ARID1A: variants seen among roughly 807,000 people sequenced by gnomAD.
The protein encoded by ARID1A is AT-rich interactive domain-containing protein 1A.
ARID1A carries 20 observed loss-of-function variants against 212.6 expected under a neutral mutation model. The ratio of observed to expected loss-of-function variants is 0.09; its 90% CI spans 0.07 to 0.14. The LOEUF (loss-of-function observed/expected upper bound fraction) is 0.14. ARID1A is among the 10% of genes least tolerant of loss of function. ARID1A has a pLI of 1.00. For missense variants in ARID1A, 2,587 were observed against 3,059.0 expected, an observed-to-expected ratio of 0.85 and a Z score of 3.64; for synonymous variants, 1,376 against 1,222.1, an observed-to-expected ratio of 1.13 and a Z score of -2.63.
chr1:26,769,877 A>C, intron 11 of ARID1A: 1 of 152,388 alleles, frequency 6.6e-6, no homozygotes, highest in East Asian at 1.9e-4. Flanking sequence ...TGAGGGAAGG[A>C]GGCAGAACTG....
chr1:26,741,599 A>G (rs998412998), intron 4 of ARID1A, among the ~76,000 whole-genome samples: 1 of 152,200 alleles, frequency 6.6e-6, no homozygotes, highest in African/African-American at 2.4e-5. Context: ...CATCCACTGG[A>G]TTAATTTCTA....
rs1445835660 is a variant in ARID1A, at chr1:26,762,964, C to T, written c.2420-9C>T. 3.2e-6 allele frequency: 5 copies of T among 1,571,742 alleles called. No homozygotes were observed. The highest frequency in any genetic ancestry group is 3.5e-6 in the Non-Finnish European group (4 of 1,150,796). ...TGACTAACCAAGTCTTGTCTTCCTC[C>T]CCTCCCAGGTGGCTACCCCAGGCAG... On this transcript the variant is annotated splice_polypyrimidine_tract_variant and intron_variant, in intron 7 of 19. Coordinates refer to ENST00000324856, the MANE Select transcript of ARID1A (RefSeq NM_006015.6).
intron 1 of ARID1A, among the ~76,000 whole-genome samples, chr1:26,726,993 G>C (rs977453555): frequency 6.6e-6 from 1 of 152,252 alleles, no homozygotes. Flanking sequence ...ATTGCATAGA[G>C]CTGGGCATGT....
rs2124147303 is a variant in ARID1A, at chr1:26,780,162, C to T, written c.6264C>T (p.Leu2088=). 1 of 1,614,172 alleles carries T rather than the reference C, an allele frequency of 6.2e-7. No homozygotes were observed. The highest frequency in any genetic ancestry group is 2.2e-5 in the East Asian group (1 of 44,880). The change falls in exon 20 of 20, where the codon CTC becomes CTT. Residue 2088 remains leucine (L), a synonymous_variant. Coordinates refer to ENST00000324856, the MANE Select transcript of ARID1A (RefSeq NM_006015.6). This position sits in a 1 kb window ranked among gnomAD's most constrained non-coding sequence, Gnocchi z 7.2. The stretch of plus-strand genomic sequence containing the variant: ...TTTGCCTGCCTGTCCTGGACGGACT[C>T]CTACACTGGGCAGTTTGCCCTTCAG... ...ESICLPVLDG[L]LHWAVCPSAE...
chr1:26,781,017 C>T lies in ARID1A; in HGVS notation c.*261C>T. On this transcript the variant is annotated 3_prime_UTR_variant, in exon 20 of 20. Coordinates refer to ENST00000324856, the MANE Select transcript of ARID1A (RefSeq NM_006015.6). ...CCCCACCCTCTTTGAAAAGACAAAGCTCTGCCTACATAGAAGACTTTTTTT... is the reference window on the plus strand; with the variant it reads ...CCCCACCCTCTTTGAAAAGACAAAGTTCTGCCTACATAGAAGACTTTTTTT... 2.5e-6 allele frequency: 1 copy of T among 404,892 alleles called. No individual in the cohort carries two copies. The highest frequency in any genetic ancestry group is 3.6e-5 in the East Asian group (1 of 28,016). 25.1% of individuals were successfully genotyped at this position (404,892 alleles called of 1,614,324 possible).
chr1:26,781,170 A>C lies in ARID1A; in HGVS notation c.*414A>C, dbSNP rs1481204994. On this transcript the variant is annotated 3_prime_UTR_variant, in exon 20 of 20. Transcript: ENST00000324856. Reference sequence around the variant, plus strand: ...ACTGTTTTTAATGGTAAAAAAAAAAAAAAAAAATACAAAAAAAAATTCTGA... The same window carrying C: ...ACTGTTTTTAATGGTAAAAAAAAAACAAAAAAATACAAAAAAAAATTCTGA... 4.1e-6 allele frequency: 1 copy of C among 241,622 alleles called. No individual in the cohort carries two copies. The highest frequency in any genetic ancestry group is 2.2e-5 in the African/African-American group (1 of 45,550). 15.0% of individuals were successfully genotyped at this position (241,622 alleles called of 1,614,324 possible).
At chr1:26,740,299 CTGTG>C (rs1293732464) in intron 4 of ARID1A, among the ~76,000 whole-genome samples, 2 of 152,122 alleles carry the variant, frequency 1.3e-5, no homozygotes, top group African/African-American at 2.4e-5. Context: ...AAGGATCCTC[CTGTG>C]TTTCATTAGT....
chr1:26,705,418 G>T (rs1049203649), intron 1 of ARID1A, among the ~76,000 whole-genome samples: 5 of 151,318 alleles, frequency 3.3e-5, no homozygotes, highest in Non-Finnish European at 5.9e-5. Flanking sequence ...GGAATTACAG[G>T]TGTGAGCCAC....
At chr1:26,740,762 G>A (rs1424278090) in intron 4 of ARID1A, among the ~76,000 whole-genome samples, 2 of 152,154 alleles carry the variant, frequency 1.3e-5, no homozygotes, top group Admixed American at 1.3e-4. Flanking sequence ...AAGTTAAACC[G>A]TAGAACTACT....
At position 26,771,518 on chromosome 1, in the gene ARID1A, C is replaced by T. The variant is rs2294877; in HGVS notation, c.3406+192C>T. ...GGAAACTCCCTTGGGAGGTACTCTA[C>T]GGCAGCTCTTAAGTTTTAATTTTTG... On this transcript the variant is annotated intron_variant, in intron 12 of 19. Coordinates refer to ENST00000324856, the MANE Select transcript of ARID1A (RefSeq NM_006015.6). This position sits in a 1 kb window ranked among gnomAD's most constrained non-coding sequence, Gnocchi z 5.4. The T allele has an allele frequency of 7.4e-5, 45 of 611,330 alleles. No homozygotes were observed. Among genetic ancestry groups the T allele is most frequent in the East Asian group, 7.0e-4 (25 of 35,732 alleles). The allele number at this position is 611,330 out of a possible 1,614,324, so 37.9% of individuals were successfully genotyped here. A position where few individuals can be genotyped will look rare whatever the true frequency, so the allele number is the denominator to read the frequency against.
chr1:26,745,591 C>G (rs771834645), intron 4 of ARID1A, among the ~76,000 whole-genome samples: 2 of 152,132 alleles, frequency 1.3e-5, no homozygotes, highest in Non-Finnish European at 1.5e-5. Flanking sequence ...TCTCCCCTCC[C>G]ACCCCCAACT....
In ARID1A at chr1:26,696,702, T is replaced by C. The variant is rs1570538685; in HGVS notation, c.299T>C (p.Leu100Pro). Reference sequence around the variant, plus strand: ...GGCGGGCCCGGCGCGGAGCCGGACCTGAAGAACTCGAACGGGAACGCGGGC... The same window carrying C: ...GGCGGGCCCGGCGCGGAGCCGGACCCGAAGAACTCGAACGGGAACGCGGGC... ...SGGGPGAEPD[L>P]KNSNGNAGPR... is the part of the protein sequence containing the mutation. The change falls in exon 1 of 20, where the codon CTG becomes CCG. Residue 100 changes from leucine (L) to proline (P), a missense_variant. Around this residue, in one of 11 missense-constraint regions of ARID1A, gnomAD observed 735 missense variants for 590.6 expected, o/e 1.24. Transcript: ENST00000324856. 2.2e-6 allele frequency: 3 copies of C among 1,359,078 alleles called. No homozygotes were observed. The highest frequency in any genetic ancestry group is 7.3e-5 in the Admixed American group (2 of 27,438). 84.2% of individuals were successfully genotyped at this position (1,359,078 alleles called of 1,614,324 possible). A position where few individuals can be genotyped will look rare whatever the true frequency, so the allele number is the denominator to read the frequency against.
At chr1:26,760,733 G>C (rs2080983451) in intron 4 of ARID1A, 123 bp from the exon 5 acceptor site, 1 of 1,033,174 alleles carries the variant, frequency 9.7e-7, no homozygotes, top group South Asian at 2.0e-5. Flanking sequence ...CATGACTAAA[G>C]AACGTGTGTG....
At chr1:26,715,981 C>T (rs756944427) in intron 1 of ARID1A, among the ~76,000 whole-genome samples, 12 of 151,736 alleles carry the variant, frequency 7.9e-5, no homozygotes, top group Admixed American at 3.9e-4. Context: ...CTGAGGTGGG[C>T]GGATCATGAG....
intron 4 of ARID1A, among the ~76,000 whole-genome samples, chr1:26,746,045 C>T (rs1366640130): frequency 6.6e-6 from 1 of 152,058 alleles, no homozygotes; most frequent in Non-Finnish European, 1.5e-5. Context: ...GAGCAAAACT[C>T]TGTCTCAAAA....
chr1:26,698,344 A>G (rs558686729), intron 1 of ARID1A, among the ~76,000 whole-genome samples: 3 of 152,322 alleles, frequency 2.0e-5, no homozygotes, highest in African/African-American at 7.2e-5. Flanking sequence ...TGGTACAACA[A>G]TCCTGATGAG....
At chr1:26,719,170 G>A (rs538617668) in intron 1 of ARID1A, among the ~76,000 whole-genome samples, 2 of 152,214 alleles carry the variant, frequency 1.3e-5, no homozygotes, top group South Asian at 4.1e-4. Context: ...GCATTTGTTT[G>A]TTTTGTATAC....
chr1:26,766,680 T>C (rs1313558334), intron 10 of ARID1A, 114 bp downstream of exon 10: 2 of 1,104,768 alleles, frequency 1.8e-6, no homozygotes, highest in Non-Finnish European at 2.6e-6. Context: ...CCGGACTAGA[T>C]AGTCTCTGAA....
At position 26,762,135 on chromosome 1, in the gene ARID1A, A is replaced by T. The variant is rs1433592501; in HGVS notation, c.2252-17A>T. The T allele has an allele frequency of 1.2e-6, 2 of 1,606,318 alleles. No individual in the cohort carries two copies. Among genetic ancestry groups the T allele is most frequent in the East Asian group, 4.5e-5 (2 of 44,700 alleles). ...TTGTATAAAGCTAATAACTATATGG[A>T]TGCTACCCACAAATAGGTTATATGC... On this transcript the variant is annotated splice_polypyrimidine_tract_variant and intron_variant, in intron 6 of 19. Transcript: ENST00000324856.
Sources: allele counts gnomAD v4.1 joint callset (sites outside exome capture counted in the v4.1 genomes callset), GRCh38; gene constraint gnomAD v4.1.1; regional missense constraint gnomAD v4.1.1; non-coding constraint Gnocchi (gnomAD v3.1); transcripts MANE v1.5; gene names NCBI Gene and HGNC (gene_info 2026-07-23, HGNC 2026-07-21).